The following RELN variants were observed in gnomAD, a reference collection of about 807,000 sequenced individuals.
RELN encodes reelin.
A neutral mutation model predicts 427.6 loss-of-function variants in RELN; 108 were observed. The ratio of observed to expected loss-of-function variants is 0.25; its 90% confidence interval spans 0.22 to 0.30. The LOEUF (loss-of-function observed/expected upper bound fraction) is 0.30. RELN is among the 10% of genes least tolerant of loss of function. The probability of loss-of-function intolerance (pLI) is 1.00; values close to 1 mark genes in which losing one functional copy is unlikely to be tolerated. For missense variants in RELN, 3,715 were observed against 4,302.8 expected (o/e 0.86, Z 3.82); for synonymous variants, 1,524 against 1,513.4 (o/e 1.01, Z -0.16).
intron 1 of RELN, among the ~76,000 whole-genome samples, chr7:103,928,012 T>A (rs1795784346): frequency 6.6e-6 from 1 of 152,088 alleles, no homozygotes; most frequent in Admixed American, 6.5e-5. Flanking sequence ...ATTTGTTGAT[T>A]TTTTTTATTT....
chr7:103,815,529 GC>G (rs1452669243), intron 3 of RELN, among the ~76,000 whole-genome samples: 2 of 152,124 alleles, frequency 1.3e-5, no homozygotes, highest in African/African-American at 2.4e-5. Flanking sequence ...CACTTGATTT[GC>G]CAGTGATTCA....
intron 3 of RELN, among the ~76,000 whole-genome samples, chr7:103,777,914 C>CACACACAA (rs71519159): frequency 7.9e-5 from 12 of 151,830 alleles, no homozygotes; most frequent in African/African-American, 2.9e-4. Flanking sequence ...CACACACACA[C>CACACACAA]AATGGCACAA....
At chr7:103,652,495 G>T in intron 14 of RELN, 56 bp downstream of exon 14, 1 of 1,411,094 alleles carries the variant, frequency 7.1e-7, no homozygotes, top group Non-Finnish European at 1.0e-6. Context: ...TTATTTAATA[G>T]CCAAATCTGC....
In RELN at chr7:103,497,800, T is replaced by C. The variant is rs774395168; in HGVS notation, c.8950+20A>G. On this transcript the variant is annotated intron_variant, in intron 55 of 64. Transcript: ENST00000428762. Reference sequence around the variant, plus strand: ...TTTGGGAATCTGCTCCAAGGGGTGGTTTTCACCCCTGACACATGCCTCCAT... The same window carrying C: ...TTTGGGAATCTGCTCCAAGGGGTGGCTTTCACCCCTGACACATGCCTCCAT... The C allele has an allele frequency of 1.2e-6, 2 of 1,600,532 alleles. No homozygotes were observed. The highest frequency in any genetic ancestry group is 1.1e-5 in the South Asian group (1 of 90,832).
intron 2 of RELN, among the ~76,000 whole-genome samples, chr7:103,868,568 C>G (rs1259355298): frequency 1.3e-5 from 2 of 151,998 alleles, no homozygotes; most frequent in Non-Finnish European, 2.9e-5. Flanking sequence ...TCTGTCCATC[C>G]AGATCACCCT....
At chr7:103,721,438 C>T (rs1360018696) in intron 8 of RELN, among the ~76,000 whole-genome samples, 1 of 152,124 alleles carries the variant, frequency 6.6e-6, no homozygotes, top group Non-Finnish European at 1.5e-5. Flanking sequence ...CTGGTGCTTG[C>T]TATGGGTTTT....
chr7:103,936,445 A>T (rs1175172321), intron 1 of RELN, among the ~76,000 whole-genome samples: 2 of 152,112 alleles, frequency 1.3e-5, no homozygotes, highest in East Asian at 3.9e-4. Context: ...TTCACATAGC[A>T]GCCACAGTGG....
At chr7:103,942,825 T>C (rs1342035916) in intron 1 of RELN, among the ~76,000 whole-genome samples, 2 of 152,124 alleles carry the variant, frequency 1.3e-5, no homozygotes, top group African/African-American at 4.8e-5. Context: ...GGCAGGAGAA[T>C]TGCTTGAACC....
intron 3 of RELN, among the ~76,000 whole-genome samples, chr7:103,790,562 C>A (rs1323294777): frequency 6.6e-6 from 1 of 152,114 alleles, no homozygotes; most frequent in African/African-American, 2.4e-5. Flanking sequence ...CCTCCAAATT[C>A]ATATGTCATT....
At chr7:103,732,516 T>G (rs1211611256) in intron 6 of RELN, among the ~76,000 whole-genome samples, 1 of 152,088 alleles carries the variant, frequency 6.6e-6, no homozygotes, top group Non-Finnish European at 1.5e-5. Context: ...TAAATCATAA[T>G]TTCATGATGA....
intron 6 of RELN, among the ~76,000 whole-genome samples, chr7:103,730,506 A>C (rs973989344): frequency 5.9e-5 from 9 of 151,954 alleles, no homozygotes; most frequent in Non-Finnish European, 1.0e-4. Flanking sequence ...AACAATAAAC[A>C]CAAGACAAAA....
rs192992579 is a variant in RELN, at chr7:103,689,937, C to T, written c.1144-7676G>A. Among the ~76,000 whole-genome samples, 355 of 152,146 alleles carry T rather than the reference C, an allele frequency of 2.3e-3. 1 individual carries two copies. Among genetic ancestry groups the T allele is most frequent in the African/African-American group, 7.0e-3 (292 of 41,526 alleles). ...TTGAGGAGTTGGGAAGAGATGACTT[C>T]GATGGACTTGCCTAGATGTTTCAAG... is the stretch of plus-strand genomic sequence containing the variant. On this transcript the variant is annotated intron_variant, in intron 10 of 64. Transcript: ENST00000428762.
intron 3 of RELN, among the ~76,000 whole-genome samples, chr7:103,804,290 A>G (rs912641449): frequency 6.6e-5 from 10 of 152,168 alleles, no homozygotes; most frequent in Non-Finnish European, 1.3e-4. Flanking sequence ...TTGATAACAA[A>G]GCCAAAATAT....
Position 103,518,825 on chromosome 7 carries a change from G to A in RELN, c.7862+498C>T, listed in dbSNP as rs141347284. ...CTAATTGGTCATAATCATTGCTTTC[G>A]GCCCTTCAGTACTTTTTTTAAAATG... On this transcript the variant is annotated intron_variant, in intron 49 of 64. Coordinates refer to ENST00000428762, the MANE Select transcript of RELN (RefSeq NM_005045.4). Among the ~76,000 whole-genome samples, 636 of 151,316 alleles carry A rather than the reference G, an allele frequency of 4.2e-3. 4 individuals carry two copies. Among genetic ancestry groups the A allele is most frequent in the African/African-American group, 0.013 (554 of 41,144 alleles).
At chr7:103,633,369 T>C (rs573975876) in intron 19 of RELN, among the ~76,000 whole-genome samples, 117 of 152,188 alleles carry the variant, frequency 7.7e-4, no homozygotes, top group African/African-American at 2.7e-3. Context: ...ATATAAAATA[T>C]AATTTGTTAT....
intron 60 of RELN, among the ~76,000 whole-genome samples, chr7:103,486,759 G>C (rs1482904078): frequency 6.6e-6 from 1 of 152,242 alleles, no homozygotes; most frequent in Non-Finnish European, 1.5e-5. Context: ...GGAAACAACA[G>C]ATGCTGGAGA....
intron 3 of RELN, among the ~76,000 whole-genome samples, chr7:103,803,396 T>C (rs190571202): frequency 3.3e-5 from 5 of 152,250 alleles, no homozygotes; most frequent in East Asian, 3.9e-4. Flanking sequence ...ATCTTTAATA[T>C]ACTCAGTGTT....
intron 8 of RELN, among the ~76,000 whole-genome samples, chr7:103,722,178 G>A (rs1790093665): frequency 6.6e-6 from 1 of 152,118 alleles, no homozygotes; most frequent in African/African-American, 2.4e-5. Flanking sequence ...GCTGAAACAA[G>A]GCACAGTGAT....
intron 8 of RELN, 56 bp from the exon 9 acceptor site, chr7:103,701,062 T>A: frequency 1.0e-6 from 1 of 961,206 alleles, no homozygotes; most frequent in African/African-American, 1.6e-5. Context: ...AAATACATAT[T>A]ATCTTTTCTG....
Sources: allele counts gnomAD v4.1 joint callset (sites outside exome capture counted in the v4.1 genomes callset), GRCh38; gene constraint gnomAD v4.1.1; transcripts MANE v1.5; gene names NCBI Gene and HGNC (gene_info 2026-07-23, HGNC 2026-07-21).